Variants in UNC13C observed in about 807,000 individuals in gnomAD.
UNC13C encodes unc-13 homolog C.
In UNC13C, 174 loss-of-function variants were observed where a neutral mutation model predicts 245.4. The observed-to-expected ratio is 0.71, with a 90% CI of 0.63 to 0.80. The LOEUF (loss-of-function observed/expected upper bound fraction) is 0.80, where lower values mean the gene tolerates loss of function less well. Ranked by LOEUF, UNC13C falls within the 30% of genes least tolerant of loss-of-function variation. The probability of loss-of-function intolerance (pLI) is 0.00; values close to 1 mark genes in which losing one functional copy is unlikely to be tolerated. For synonymous variants in UNC13C, 992 were observed against 895.1 expected, an observed-to-expected ratio of 1.11 and a Z score of -1.93; for missense variants, 2,829 against 2,602.9, an observed-to-expected ratio of 1.09 and a Z score of -1.89.
the UNC13C span, among the ~76,000 whole-genome samples, chr15:53,929,339 T>A: frequency 2.0e-5 from 3 of 152,242 alleles, no homozygotes; most frequent in South Asian, 6.2e-4. Context: ...GAGATTTGGG[T>A]GGGGACACAG....
At chr15:54,139,511 G>A (rs1042850341) in intron 2 of UNC13C, among the ~76,000 whole-genome samples, 25 of 152,132 alleles carry the variant, frequency 1.6e-4, no homozygotes, top group Non-Finnish European at 8.8e-5. Flanking sequence ...TGTATTGATA[G>A]ACATGTTTTG....
chr15:54,400,756 A>G (rs1228947405), intron 18 of UNC13C, among the ~76,000 whole-genome samples: 1 of 152,028 alleles, frequency 6.6e-6, no homozygotes. Flanking sequence ...GGGTTTTTAT[A>G]TTTTTTTATT....
In UNC13C at chr15:54,553,242, C is replaced by T. The variant is rs1367105107; in HGVS notation, c.5878-2190C>T. Among the ~76,000 whole-genome samples, 10 of 112,770 alleles carry T rather than the reference C, an allele frequency of 8.9e-5. No individual in the cohort carries two copies. The Admixed American group carries it at 1.1e-3, about 13-fold the overall frequency. The allele number at this position is 112,770 out of a possible 152,430, so 74.0% of individuals were successfully genotyped here. A position where few individuals can be genotyped will look rare whatever the true frequency, so the allele number is the denominator to read the frequency against. Reference sequence around the variant, plus strand: ...ATATTATATATTGTATTCTATATTACAATATATATTATATATTGTATTCTA... The same window carrying T: ...ATATTATATATTGTATTCTATATTATAATATATATTATATATTGTATTCTA... On this transcript the variant is annotated intron_variant, in intron 28 of 32. Transcript: ENST00000260323.
the UNC13C span, among the ~76,000 whole-genome samples, chr15:53,907,114 A>T: frequency 6.6e-6 from 1 of 152,170 alleles, no homozygotes; most frequent in Non-Finnish European, 1.5e-5. Flanking sequence ...GATTTTTTGC[A>T]ACTGAGAACC....
intron 17 of UNC13C, among the ~76,000 whole-genome samples, chr15:54,348,299 G>A (rs1489816858): frequency 2.6e-5 from 4 of 152,096 alleles, no homozygotes; most frequent in African/African-American, 9.7e-5. Flanking sequence ...TAGACAGAAT[G>A]TGGACCTGAT....
At chr15:54,592,740 C>G (rs1898862719) in intron 30 of UNC13C, among the ~76,000 whole-genome samples, 1 of 152,066 alleles carries the variant, frequency 6.6e-6, no homozygotes, top group Admixed American at 6.5e-5. Flanking sequence ...GAGTTCTTAT[C>G]CGTTCTGTGG....
At chr15:54,303,554 C>G (rs1221661636) in intron 13 of UNC13C, among the ~76,000 whole-genome samples, 1 of 150,878 alleles carries the variant, frequency 6.6e-6, no homozygotes, top group African/African-American at 2.4e-5. Context: ...GGAGAATTAG[C>G]CCTTCCTTAT....
intron 30 of UNC13C, among the ~76,000 whole-genome samples, chr15:54,569,061 C>G (rs925755059): frequency 1.2e-4 from 19 of 152,254 alleles, no homozygotes; most frequent in Non-Finnish European, 1.5e-4. Flanking sequence ...CATGCTCATG[C>G]TCCCTCAAGG....
intron 26 of UNC13C, among the ~76,000 whole-genome samples, chr15:54,537,694 T>C (rs1190730381): frequency 6.6e-6 from 1 of 151,750 alleles, no homozygotes; most frequent in African/African-American, 2.4e-5. Flanking sequence ...CCTACAACCA[T>C]CTGATCTTCA....
chr15:54,114,079 C>G (rs2030031690), intron 2 of UNC13C, among the ~76,000 whole-genome samples: 1 of 152,076 alleles, frequency 6.6e-6, no homozygotes, highest in Non-Finnish European at 1.5e-5. Context: ...ACTGGCAGCT[C>G]CTTTTTTATC....
At chr15:54,582,912 G>A (rs1361045273) in intron 30 of UNC13C, among the ~76,000 whole-genome samples, 1 of 152,094 alleles carries the variant, frequency 6.6e-6, no homozygotes, top group Non-Finnish European at 1.5e-5. Flanking sequence ...CTTAAGTAAT[G>A]TGCTACTGAA....
At chr15:54,489,750 GTAC>G (rs1893610259) in intron 19 of UNC13C, among the ~76,000 whole-genome samples, 4 of 152,124 alleles carry the variant, frequency 2.6e-5, no homozygotes. Flanking sequence ...GATGATTTCT[GTAC>G]TACAAGTCAC....
chr15:54,586,838 T>C (rs907848575), intron 30 of UNC13C, among the ~76,000 whole-genome samples: 1 of 152,140 alleles, frequency 6.6e-6, no homozygotes, highest in African/African-American at 2.4e-5. Flanking sequence ...AGCCAGGGAG[T>C]AAATCGTTGC....
At chr15:54,030,467 CAGTA>C (rs1437861980) in intron 2 of UNC13C, among the ~76,000 whole-genome samples, 2 of 152,032 alleles carry the variant, frequency 1.3e-5, no homozygotes, top group Non-Finnish European at 2.9e-5. Flanking sequence ...TAATCTCAGA[CAGTA>C]AGGTCAATCG....
chr15:54,300,465 C>T, intron 13 of UNC13C, 92 bp downstream of exon 13: 1 of 1,240,882 alleles, frequency 8.1e-7, no homozygotes, highest in Non-Finnish European at 1.1e-6. Context: ...TCAAATGAAA[C>T]TGATTAAAAA....
chr15:54,377,306 T>A (rs577400857), intron 17 of UNC13C, among the ~76,000 whole-genome samples: 1 of 152,248 alleles, frequency 6.6e-6, no homozygotes, highest in South Asian at 2.1e-4. Flanking sequence ...TTGGTCAAAG[T>A]CACCCATGTT....
At chr15:54,558,577 G>A (rs1270101713) in intron 29 of UNC13C, among the ~76,000 whole-genome samples, 1 of 151,984 alleles carries the variant, frequency 6.6e-6, no homozygotes, top group Non-Finnish European at 1.5e-5. Flanking sequence ...CAATATTGAT[G>A]AAAATATTAA....
intron 2 of UNC13C, among the ~76,000 whole-genome samples, chr15:54,109,269 TCCTCCCCTCCCCTCCCCTCCCCTC>T (rs1900628257): frequency 4.9e-5 from 4 of 81,944 alleles, no homozygotes; most frequent in East Asian, 3.8e-4. Context: ...CCTTTCCCTC[TCCTCCCCTCCCCTCCCCTCCCCTC>T]CCTTCCCCTC....
At chr15:53,946,827 G>T in the UNC13C span, among the ~76,000 whole-genome samples, 1 of 152,010 alleles carries the variant, frequency 6.6e-6, no homozygotes, top group Non-Finnish European at 1.5e-5. Context: ...AACCAACCTT[G>T]TATTCCAAGG....
Sources: allele counts gnomAD v4.1 joint callset (sites outside exome capture counted in the v4.1 genomes callset), GRCh38; gene constraint gnomAD v4.1.1; transcripts MANE v1.5; gene names NCBI Gene and HGNC (gene_info 2026-07-23, HGNC 2026-07-21).